Variants in UNC5D observed in about 807,000 individuals in gnomAD.
The protein encoded by UNC5D is unc-5 netrin receptor D.
Under a neutral mutation model 105.4 loss-of-function variants are expected in UNC5D, and 39 were observed. That is an observed-to-expected ratio of 0.37 (90% CI 0.29 to 0.48). The LOEUF (loss-of-function observed/expected upper bound fraction) is 0.48. Among genes scored for constraint, UNC5D ranks in the 20% least tolerant of loss-of-function variants. The pLI, the probability that UNC5D is intolerant of heterozygous loss-of-function variation, is 0.98. For synonymous variants in UNC5D, 452 were observed against 450.4 expected (o/e 1.00, Z -0.04); for missense variants, 991 against 1,202.4 (o/e 0.82, Z 2.60).
chr8:35,442,192 A>G (rs1807451612), intron 1 of UNC5D, among the ~76,000 whole-genome samples: 2 of 151,886 alleles, frequency 1.3e-5, no homozygotes, highest in African/African-American at 2.4e-5. Context: ...GCAGGGACCT[A>G]CAGTTATTGA....
chr8:35,782,936 G>A (rs1367181037), intron 16 of UNC5D, among the ~76,000 whole-genome samples: 1 of 152,176 alleles, frequency 6.6e-6, no homozygotes, highest in Non-Finnish European at 1.5e-5. Flanking sequence ...GGAACTCAAG[G>A]TGAGCCCTGG....
chr8:35,641,939 A>C (rs187090468), intron 4 of UNC5D, among the ~76,000 whole-genome samples: 39 of 152,242 alleles, frequency 2.6e-4, no homozygotes, highest in African/African-American at 9.1e-4. Flanking sequence ...GTACCATCTC[A>C]CTATTGAATA....
intron 1 of UNC5D, among the ~76,000 whole-genome samples, chr8:35,332,563 C>A (rs535225462): frequency 6.6e-6 from 1 of 152,180 alleles, no homozygotes; most frequent in South Asian, 2.1e-4. Flanking sequence ...ATGGTCAGAC[C>A]ATGATAGTTT....
chr8:35,771,533 A>G (rs1802012716), intron 15 of UNC5D, among the ~76,000 whole-genome samples: 1 of 152,202 alleles, frequency 6.6e-6, no homozygotes, highest in Non-Finnish European at 1.5e-5. Context: ...TTTACAAACC[A>G]TGATAAAAAT....
At chr8:35,580,042 G>A (rs1818371734) in intron 3 of UNC5D, among the ~76,000 whole-genome samples, 1 of 152,176 alleles carries the variant, frequency 6.6e-6, no homozygotes. Context: ...TGGAACTAAG[G>A]GGAAGTAAGA....
rs576062466 is a variant in UNC5D at position 35,499,915 on chromosome 8, T to C, written c.104-49377T>C. The stretch of plus-strand genomic sequence containing the variant: ...TACCCTTACAATGTTTTATTAATGC[T>C]TATACTGGAAATGCAAAATATCTGA... On this transcript the variant is annotated intron_variant, in intron 1 of 16. Transcript: ENST00000404895. Among the ~76,000 whole-genome samples, 196 of 152,336 alleles carry C rather than the reference T, an allele frequency of 1.3e-3. 1 individual carries two copies. Among genetic ancestry groups the C allele is most frequent in the African/African-American group, 4.4e-3 (184 of 41,578 alleles).
intron 1 of UNC5D, among the ~76,000 whole-genome samples, chr8:35,336,371 G>A (rs1276547389): frequency 6.6e-6 from 1 of 151,992 alleles, no homozygotes; most frequent in South Asian, 2.1e-4. Flanking sequence ...ATGATGAGAT[G>A]CTTCCTTAAC....
chr8:35,301,339 A>G (rs1807942918), intron 1 of UNC5D, among the ~76,000 whole-genome samples: 1 of 152,254 alleles, frequency 6.6e-6, no homozygotes, highest in African/African-American at 2.4e-5. Context: ...GGGTAAATTA[A>G]TATCTAGATG....
chr8:35,275,828 C>G (rs1286178888), intron 1 of UNC5D, among the ~76,000 whole-genome samples: 1 of 152,150 alleles, frequency 6.6e-6, no homozygotes, highest in Non-Finnish European at 1.5e-5. Context: ...CTTTTATACA[C>G]CTATATTGTA....
chr8:35,327,540 G>C (rs7838554), intron 1 of UNC5D, among the ~76,000 whole-genome samples: 7,977 of 152,272 alleles, frequency 0.052, 245 homozygotes, highest in African/African-American at 0.086. Context: ...CAAGGTGCCT[G>C]GGTGGGCTCC....
At chr8:35,242,827 C>T (rs1585395316) in intron 1 of UNC5D, among the ~76,000 whole-genome samples, 1 of 152,126 alleles carries the variant, frequency 6.6e-6, no homozygotes, top group African/African-American at 2.4e-5. Context: ...AGATTTGCCT[C>T]TAAATAAATA....
intron 14 of UNC5D, 132 bp downstream of exon 14, chr8:35,759,601 A>C: frequency 9.5e-7 from 1 of 1,047,436 alleles, no homozygotes; most frequent in Non-Finnish European, 1.4e-6. Flanking sequence ...CTGTCACAGA[A>C]ATGTAACAGT....
chr8:35,575,207 C>A (rs981177124), intron 3 of UNC5D, among the ~76,000 whole-genome samples: 5 of 151,996 alleles, frequency 3.3e-5, no homozygotes, highest in African/African-American at 1.2e-4. Context: ...TCGTAAACTG[C>A]TTGAGGATTC....
At chr8:35,747,255 A>G (rs1339945912) in intron 11 of UNC5D, among the ~76,000 whole-genome samples, 2 of 152,220 alleles carry the variant, frequency 1.3e-5, no homozygotes, top group African/African-American at 4.8e-5. Context: ...GCAGCAAGTT[A>G]TAGATAATGA....
chr8:35,640,093 G>A (rs886325117), intron 4 of UNC5D, among the ~76,000 whole-genome samples: 1 of 151,948 alleles, frequency 6.6e-6, no homozygotes, highest in African/African-American at 2.4e-5. Flanking sequence ...TTTAAGATGT[G>A]TCCTATTGGT....
intron 14 of UNC5D, 137 bp downstream of exon 14, chr8:35,759,606 A>G: frequency 1.2e-5 from 12 of 1,019,324 alleles, no homozygotes; most frequent in Middle Eastern, 2.2e-4. Context: ...ACAGAAATGT[A>G]ACAGTTTGGA....
chr8:35,400,753 G>A (rs1010257191), intron 1 of UNC5D, among the ~76,000 whole-genome samples: 13 of 152,134 alleles, frequency 8.5e-5, no homozygotes, highest in East Asian at 3.9e-4. Context: ...AAAATTGGCC[G>A]ATTATAATCC....
At chr8:35,548,752 A>G (rs1815882822) in intron 1 of UNC5D, among the ~76,000 whole-genome samples, 1 of 152,208 alleles carries the variant, frequency 6.6e-6, no homozygotes, top group African/African-American at 2.4e-5. Context: ...CTGGTGAGTT[A>G]TCCAAGATCC....
intron 1 of UNC5D, among the ~76,000 whole-genome samples, chr8:35,492,685 A>G (rs559904062): frequency 3.8e-4 from 58 of 152,244 alleles, no homozygotes; most frequent in African/African-American, 1.3e-3. Context: ...TAAATGGGCT[A>G]TTCATAGGGA....
Sources: gnomAD v4.1 joint callset for allele counts (sites outside exome capture counted in the v4.1 genomes callset) on GRCh38, gnomAD v4.1.1 for gene constraint, MANE v1.5 for transcripts, NCBI Gene and HGNC (gene_info 2026-07-23, HGNC 2026-07-21) for gene names.